Variants in PEF1 observed in about 807,000 individuals in gnomAD.
PEF1 encodes the protein penta-EF-hand domain containing 1, also known as peflin.
PEF1 carries 17 observed loss-of-function variants against 32.0 expected under a neutral mutation model. That is an observed-to-expected ratio of 0.53 (90% CI 0.36 to 0.80). The LOEUF (loss-of-function observed/expected upper bound fraction) is 0.80. PEF1 is among the 30% of genes least tolerant of loss of function. PEF1 has a pLI of 0.00. For missense variants in PEF1, 362 were observed against 369.1 expected (o/e 0.98, Z 0.16); for synonymous variants, 130 against 139.8 (o/e 0.93, Z 0.50).
intron 1 of PEF1, among the ~76,000 whole-genome samples, chr1:31,639,352 C>T (rs981545150): frequency 6.6e-6 from 1 of 152,212 alleles, no homozygotes; most frequent in Non-Finnish European, 1.5e-5. Flanking sequence ...TAGTTTCTGT[C>T]TAGCATCTCC....
intron 2 of PEF1, 105 bp downstream of exon 2, chr1:31,635,117 G>A (rs536906428): frequency 2.3e-5 from 32 of 1,366,482 alleles, no homozygotes; most frequent in Middle Eastern, 3.7e-4. Flanking sequence ...AGATGCTAAG[G>A]TGCCAGAGAC....
In PEF1 at chr1:31,635,378, G is replaced by A. The variant is rs369188697; in HGVS notation, c.169C>T (p.Pro57Ser). 6.2e-7 allele frequency: 1 copy of A among 1,613,700 alleles called. No homozygotes were observed. The highest frequency in any genetic ancestry group is 2.2e-5 in the East Asian group (1 of 44,874). ...CCATAGGGCCCTCCACCAGCTGGTGGTCCATAAGGCCCTCCAGGGGCAGGA... is the reference window on the plus strand; with the variant it reads ...CCATAGGGCCCTCCACCAGCTGGTGATCCATAAGGCCCTCCAGGGGCAGGA... ...GGPAPGGPYGPPAGGGPYGHP... is the reference protein window; with the variant it reads ...GGPAPGGPYGSPAGGGPYGHP... Residue 57 changes from proline (P) to serine (S), a missense_variant, in exon 2 of 5, where the codon CCA becomes TCA. Coordinates refer to ENST00000373703, the MANE Select transcript of PEF1 (RefSeq NM_012392.4).
In PEF1 at chr1:31,633,255, C is replaced by A; in HGVS notation, c.385G>T (p.Asp129Tyr). 6.2e-7 allele frequency: 1 copy of A among 1,614,112 alleles called. No individual in the cohort carries two copies. The highest frequency in any genetic ancestry group is 1.3e-5 in the African/African-American group (1 of 75,054). Residue 129 changes from aspartate to tyrosine, a missense_variant, in exon 3 of 5, where the codon GAT becomes TAT. Coordinates refer to ENST00000373703, the MANE Select transcript of PEF1 (RefSeq NM_012392.4). ...TTCATGGAGATATAGCCACTGTGATCTGAGTCCACCGACTGGAACCAGGAG... is the reference window on the plus strand; with the variant it reads ...TTCATGGAGATATAGCCACTGTGATATGAGTCCACCGACTGGAACCAGGAG... ...AYSWFQSVDS[D>Y]HSGYISMKEL...
At chr1:31,631,819 G>A in intron 4 of PEF1, among the ~76,000 whole-genome samples, 1 of 152,254 alleles carries the variant, frequency 6.6e-6, no homozygotes, top group East Asian at 1.9e-4. Flanking sequence ...ACTCACTCCT[G>A]CCCACAGACC....
Position 31,635,268 on chromosome 1 carries a change from T to C in PEF1, c.279A>G (p.Pro93=). 2 of 1,614,092 alleles carry C rather than the reference T, an allele frequency of 1.2e-6. No homozygotes were observed. The highest frequency in any genetic ancestry group is 1.7e-6 in the Non-Finnish European group (2 of 1,180,006). Residue 93 remains proline, a synonymous_variant, in exon 2 of 5, where the codon CCA becomes CCG. Coordinates refer to ENST00000373703, the MANE Select transcript of PEF1 (RefSeq NM_012392.4). ...GCTGGGCACCGTAGGAACTTGGAGG[T>C]GGCTGACCATAGGGGCCCCCGGGAG... is the stretch of plus-strand genomic sequence containing the variant. The part of the protein sequence containing the change: ...GAAPGGPYGQ[P]PPSSYGAQQP...
intron 1 of PEF1, 88 bp from the exon 2 acceptor site, chr1:31,635,610 A>C: frequency 7.9e-7 from 1 of 1,267,614 alleles, no homozygotes; most frequent in East Asian, 2.7e-5. Context: ...CACTTCCACC[A>C]CCATCCTTTC....
At chr1:31,638,344 C>T (rs1386634661) in intron 1 of PEF1, among the ~76,000 whole-genome samples, 2 of 152,316 alleles carry the variant, frequency 1.3e-5, no homozygotes, top group South Asian at 4.1e-4. Flanking sequence ...CACTCCCTTG[C>T]ACCCAATGAC....
chr1:31,633,058 G>T, intron 3 of PEF1, 101 bp downstream of exon 3: 1 of 1,373,574 alleles, frequency 7.3e-7, no homozygotes, highest in Non-Finnish European at 9.9e-7. Flanking sequence ...CCTGGTCAAT[G>T]AATTTCTCTT....
chr1:31,630,216 A>G lies in PEF1; in HGVS notation c.*397T>C. 4.0e-6 allele frequency: 1 copy of G among 251,434 alleles called. No individual in the cohort carries two copies. Among genetic ancestry groups the G allele is most frequent in the Non-Finnish European group, 7.9e-6 (1 of 125,886 alleles). The allele number at this position is 251,434 out of a possible 1,614,324, so 15.6% of individuals were successfully genotyped here. A position where few individuals can be genotyped will look rare whatever the true frequency, so the allele number is the denominator to read the frequency against. On this transcript the variant is annotated 3_prime_UTR_variant, in exon 5 of 5. Coordinates refer to ENST00000373703, the MANE Select transcript of PEF1 (RefSeq NM_012392.4). ...TTTGGAGAAAATGGGCTCGTTTGAC[A>G]GGATGGCCTGGTGAGGGAACACAGG...
At position 31,643,853 on chromosome 1, in the gene PEF1, T is replaced by C. The variant is rs576577412; in HGVS notation, c.24+988A>G. ...TCTGTGGGCTTCATTTCCTCCTCTGTAAAATGAGGGCTCTATTTTGAGGAC... is the reference window on the plus strand; with the variant it reads ...TCTGTGGGCTTCATTTCCTCCTCTGCAAAATGAGGGCTCTATTTTGAGGAC... On this transcript the variant is annotated intron_variant, in intron 1 of 4. Transcript: ENST00000373703. 5.9e-5 allele frequency among the ~76,000 whole-genome samples: 9 copies of C among 152,342 alleles called. No homozygotes were observed. The South Asian group carries it at 1.9e-3, about 32-fold the overall frequency.
At chr1:31,644,718 G>T (rs1640506013) in intron 1 of PEF1, 123 bp downstream of exon 1, 3 of 1,563,444 alleles carry the variant, frequency 1.9e-6, no homozygotes, top group African/African-American at 1.4e-5. Context: ...ACAGCGCAAG[G>T]CCTCGCTGAA....
intron 1 of PEF1, among the ~76,000 whole-genome samples, chr1:31,636,713 C>T (rs749874421): frequency 1.1e-4 from 16 of 152,184 alleles, no homozygotes; most frequent in Non-Finnish European, 2.1e-4. Flanking sequence ...ATAATAGCCT[C>T]CTACAGAGGA....
intron 1 of PEF1, chr1:31,644,132 C>G (rs932819324): frequency 6.5e-6 from 1 of 153,556 alleles, no homozygotes; most frequent in African/African-American, 2.4e-5. Flanking sequence ...CCTCTGACAC[C>G]AAAGTGCACT....
chr1:31,633,918 G>A (rs1259404087), intron 2 of PEF1, among the ~76,000 whole-genome samples: 1 of 150,496 alleles, frequency 6.6e-6, no homozygotes, highest in Admixed American at 6.6e-5. Flanking sequence ...TCACGCCATT[G>A]CACTCCAGCC....
Position 31,630,566 on chromosome 1 carries a change from A to G in PEF1, c.*47T>C, listed in dbSNP as rs1640066674. 6.5e-7 allele frequency: 1 copy of G among 1,543,326 alleles called. No individual in the cohort carries two copies. The highest frequency in any genetic ancestry group is 1.4e-5 in the African/African-American group (1 of 73,662). On this transcript the variant is annotated 3_prime_UTR_variant, in exon 5 of 5. Coordinates refer to ENST00000373703, the MANE Select transcript of PEF1 (RefSeq NM_012392.4). The stretch of plus-strand genomic sequence containing the variant: ...TCCACATACTTCTCTCACTCTAAGA[A>G]GCCAGGAAAGGTCCCTGGTGCACTC...
chr1:31,640,116 A>G (rs950660525), intron 1 of PEF1, among the ~76,000 whole-genome samples: 10 of 152,146 alleles, frequency 6.6e-5, no homozygotes, highest in Non-Finnish European at 7.4e-5. Flanking sequence ...AACACAGAAA[A>G]ACTATCTCTA....
intron 1 of PEF1, chr1:31,644,512 TGATGCCCCCGCCC>T: frequency 7.6e-7 from 1 of 1,324,444 alleles, no homozygotes; most frequent in Non-Finnish European, 9.6e-7. Flanking sequence ...CGGTCATGGC[TGATGCCCCCGCCC>T]AAGGCCCCCA....
chr1:31,634,362 G>A (rs150270813), intron 2 of PEF1, among the ~76,000 whole-genome samples: 14 of 152,320 alleles, frequency 9.2e-5, no homozygotes, highest in African/African-American at 3.4e-4. Flanking sequence ...TAGCTTGTGT[G>A]ACTTTAGGCA....
In PEF1 at chr1:31,635,307, T is replaced by A; in HGVS notation, c.240A>T (p.Pro80=). Residue 80 remains proline, a synonymous_variant, in exon 2 of 5, where the codon CCA becomes CCT. Transcript: ENST00000373703. ...GMFPSGTPGG[P]YGGAAPGGPY... ...GGCCCCCGGGAGCTGCACCGCCATATGGTCCTCCTGGAGTTCCAGAGGGGA... is the reference window on the plus strand; with the variant it reads ...GGCCCCCGGGAGCTGCACCGCCATAAGGTCCTCCTGGAGTTCCAGAGGGGA... The A allele has an allele frequency of 2.5e-6, 4 of 1,614,076 alleles. No individual in the cohort carries two copies. Among genetic ancestry groups the A allele is most frequent in the Non-Finnish European group, 3.4e-6 (4 of 1,179,986 alleles).
Sources: gnomAD v4.1 joint callset for allele counts (sites outside exome capture counted in the v4.1 genomes callset) on GRCh38, gnomAD v4.1.1 for gene constraint, MANE v1.5 for transcripts, NCBI Gene and HGNC (gene_info 2026-07-23, HGNC 2026-07-21) for gene names.